The following C9 variants were observed in gnomAD, a reference collection of about 807,000 sequenced individuals.
C9 encodes the protein complement component C9.
A neutral mutation model predicts 65.4 loss-of-function variants in C9; 63 were observed. That is an observed-to-expected ratio of 0.96 (90% CI 0.79 to 1.19). The LOEUF (loss-of-function observed/expected upper bound fraction) is 1.19, where lower values mean the gene tolerates loss of function less well. Among genes scored for constraint, C9 ranks in the 50% most tolerant of loss-of-function variants. C9 has a pLI of 0.00. For missense variants in C9, 744 were observed against 670.1 expected (o/e 1.11, Z -1.22); for synonymous variants, 229 against 227.9 (o/e 1.00, Z -0.04).
chr5:39,305,296 C>T (rs952741152), intron 9 of C9, among the ~76,000 whole-genome samples: 13 of 151,918 alleles, frequency 8.6e-5, no homozygotes, highest in Middle Eastern at 3.4e-3. Flanking sequence ...TATCTATGAA[C>T]GGCTGTATTT....
At chr5:39,334,224 G>A (rs867707347) in intron 4 of C9, among the ~76,000 whole-genome samples, 16 of 144,138 alleles carry the variant, frequency 1.1e-4, no homozygotes, top group South Asian at 4.5e-4. Flanking sequence ...TCTGCCCGGC[G>A]GCCCATCATC....
intron 1 of C9, among the ~76,000 whole-genome samples, chr5:39,346,835 G>T (rs1446036321): frequency 1.3e-5 from 2 of 152,234 alleles, no homozygotes; most frequent in East Asian, 3.9e-4. Flanking sequence ...GATCAAGTGG[G>T]CTTCATCCCT....
At chr5:39,312,550 G>A (rs540555763) in intron 6 of C9, among the ~76,000 whole-genome samples, 2 of 152,214 alleles carry the variant, frequency 1.3e-5, no homozygotes, top group South Asian at 4.1e-4. Flanking sequence ...TTGAGACGTG[G>A]AACTCAAGTC....
intron 5 of C9, among the ~76,000 whole-genome samples, chr5:39,329,311 G>A (rs553635152): frequency 1.1e-4 from 16 of 152,256 alleles, no homozygotes; most frequent in African/African-American, 3.4e-4. Flanking sequence ...ACTCTAAAAT[G>A]AATAATAGCT....
intron 9 of C9, among the ~76,000 whole-genome samples, chr5:39,295,878 A>C (rs2111852003): frequency 6.6e-6 from 1 of 151,770 alleles, no homozygotes; most frequent in Middle Eastern, 3.4e-3. Flanking sequence ...AAATTAATAT[A>C]TCTATCTACA....
chr5:39,322,953 G>A (rs1454004550), intron 5 of C9, among the ~76,000 whole-genome samples: 1 of 151,962 alleles, frequency 6.6e-6, no homozygotes, highest in Non-Finnish European at 1.5e-5. Context: ...GAGTGGTCCT[G>A]GGACCAATTC....
rs187785323 is a variant in C9 at position 39,316,484 on chromosome 5, C to T, written c.616-455G>A. 6.3e-3 allele frequency among the ~76,000 whole-genome samples: 963 copies of T among 152,286 alleles called. 5 individuals are homozygous for T. The highest frequency in any genetic ancestry group is 0.011 in the Non-Finnish European group (741 of 68,020). ...TTAAGCCCAACATCCATTAGCTATT[C>T]CTCCTGATGCTCTGTCACCCCTACC... On this transcript the variant is annotated intron_variant, in intron 5 of 10. Transcript: ENST00000263408.
chr5:39,314,032 G>A (rs1278476727), intron 6 of C9, among the ~76,000 whole-genome samples: 1 of 152,002 alleles, frequency 6.6e-6, no homozygotes, highest in African/African-American at 2.4e-5. Context: ...TGTCTCACCT[G>A]GATTCCTTCA....
At chr5:39,310,499 C>T (rs1753462003) in intron 7 of C9, among the ~76,000 whole-genome samples, 1 of 152,118 alleles carries the variant, frequency 6.6e-6, no homozygotes, top group South Asian at 2.1e-4. Context: ...TATCAGTAGG[C>T]CTATCTTCTA....
intron 4 of C9, among the ~76,000 whole-genome samples, chr5:39,333,783 C>T (rs543587392): frequency 4.0e-4 from 60 of 151,332 alleles, no homozygotes; most frequent in African/African-American, 1.3e-3. Context: ...GACTGGTTTT[C>T]GTATTTTTTT....
intron 9 of C9, 139 bp from the exon 10 acceptor site, chr5:39,289,090 G>A (rs529182809): frequency 1.5e-6 from 1 of 663,956 alleles, no homozygotes; most frequent in Non-Finnish European, 2.7e-6. Flanking sequence ...CAGATGTGAT[G>A]TTAGCTTTTA....
intron 9 of C9, among the ~76,000 whole-genome samples, chr5:39,296,650 T>C (rs1753190505): frequency 6.6e-6 from 1 of 151,604 alleles, no homozygotes; most frequent in African/African-American, 2.4e-5. Flanking sequence ...CACCCTTCTG[T>C]TTATTGCAGC....
At chr5:39,299,144 A>G (rs542397494) in intron 9 of C9, among the ~76,000 whole-genome samples, 8 of 152,108 alleles carry the variant, frequency 5.3e-5, no homozygotes, top group African/African-American at 1.4e-4. Flanking sequence ...AAGAAAAAGA[A>G]ATAAAATACA....
chr5:39,295,731 A>G (rs898259041), intron 9 of C9, among the ~76,000 whole-genome samples: 6 of 151,636 alleles, frequency 4.0e-5, no homozygotes, highest in Admixed American at 2.0e-4. Context: ...TAAACAAACA[A>G]CAACAACAAC....
chr5:39,288,399 A>G (rs1037992162), intron 10 of C9, among the ~76,000 whole-genome samples: 1 of 151,882 alleles, frequency 6.6e-6, no homozygotes, highest in Non-Finnish European at 1.5e-5. Context: ...ATATATATGT[A>G]TTAACATTCA....
chr5:39,342,265 A>G, intron 1 of C9, 69 bp from the exon 2 acceptor site: 1 of 846,786 alleles, frequency 1.2e-6, no homozygotes. Flanking sequence ...GTCTTCATAA[A>G]CACAGTTCAT....
At chr5:39,326,323 C>T (rs1019326277) in intron 5 of C9, among the ~76,000 whole-genome samples, 5 of 152,184 alleles carry the variant, frequency 3.3e-5, no homozygotes, top group African/African-American at 1.2e-4. Flanking sequence ...GCTATACTGT[C>T]TCCAATTTAT....
intron 5 of C9, among the ~76,000 whole-genome samples, chr5:39,326,489 A>G (rs562543230): frequency 6.6e-6 from 1 of 152,260 alleles, no homozygotes; most frequent in South Asian, 2.1e-4. Flanking sequence ...CTTAAAATTT[A>G]TTTCCACAAA....
Position 39,353,216 on chromosome 5 carries a change from CT to C in C9, c.78-11021del, listed in dbSNP as rs1754354299. On this transcript the variant is annotated intron_variant, in intron 1 of 10. Transcript: ENST00000263408. ...TTCTTTAGAGCCTCCAGAAAGGAAT[CT>C]GGCCCTGCCAACACCTTGATTTTAG... Among the ~76,000 whole-genome samples, 4 of 152,228 alleles carry C rather than the reference CT, an allele frequency of 2.6e-5. No individual in the cohort carries two copies. The South Asian group carries it at 8.3e-4, about 32-fold the overall frequency.
Sources: allele counts gnomAD v4.1 joint callset (sites outside exome capture counted in the v4.1 genomes callset), GRCh38; gene constraint gnomAD v4.1.1; transcripts MANE v1.5; gene names NCBI Gene and HGNC (gene_info 2026-07-23, HGNC 2026-07-21).